The following ASAP1 variants were observed in gnomAD, a reference collection of about 807,000 sequenced individuals.
ASAP1 encodes arf-GAP with SH3 domain, ANK repeat and PH domain-containing protein 1.
A neutral mutation model predicts 145.2 loss-of-function variants in ASAP1; 43 were observed. The observed-to-expected ratio is 0.30, with a 90% CI of 0.23 to 0.38. The LOEUF (loss-of-function observed/expected upper bound fraction) is 0.38. Among genes scored for constraint, ASAP1 ranks in the 10% least tolerant of loss-of-function variants. ASAP1 has a pLI of 1.00. For missense variants in ASAP1, 1,018 were observed against 1,355.3 expected (o/e 0.75, Z 3.91); for synonymous variants, 546 against 515.5 (o/e 1.06, Z -0.80).
intron 24 of ASAP1, among the ~76,000 whole-genome samples, chr8:130,093,632 A>G (rs1177592433): frequency 7.7e-6 from 1 of 129,474 alleles, no homozygotes; most frequent in Non-Finnish European, 1.6e-5. Flanking sequence ...ATGCCACTGC[A>G]TTCCTGCCTG....
chr8:130,110,079 G>A (rs2097544218), intron 24 of ASAP1, among the ~76,000 whole-genome samples: 1 of 152,136 alleles, frequency 6.6e-6, no homozygotes. Flanking sequence ...TTTGTCTTCT[G>A]GGTCTTTGGT....
intron 1 of ASAP1, among the ~76,000 whole-genome samples, chr8:130,411,278 C>T (rs1829253854): frequency 6.6e-6 from 1 of 152,238 alleles, no homozygotes; most frequent in African/African-American, 2.4e-5. Flanking sequence ...GCAACACCTG[C>T]CACTCTGCCC....
At chr8:130,210,394 A>G (rs1816504781) in intron 5 of ASAP1, among the ~76,000 whole-genome samples, 1 of 152,336 alleles carries the variant, frequency 6.6e-6, no homozygotes, top group East Asian at 1.9e-4. Flanking sequence ...AATTTCTAAG[A>G]CAGTAAATAT....
At position 130,072,824 on chromosome 8, in the gene ASAP1, T is replaced by TGTGTGTGTGTGTGTGTGTGTGTGCGCGC; in HGVS notation, c.2701+3523_2701+3524insGCGCGCACACACACACACACACACACAC. ...GTGTGTGTGTGTGTGTGTGTGTGTG[T>TGTGTGTGTGTGTGTGTGTGTGTGCGCGC]GCGCGCGGGGGGGGGCAGTTTTGGG... is the stretch of plus-strand genomic sequence containing the variant. On this transcript the variant is annotated intron_variant, in intron 27 of 29. Coordinates refer to ENST00000518721, the MANE Select transcript of ASAP1 (RefSeq NM_018482.4). 2.2e-3 allele frequency among the ~76,000 whole-genome samples: 72 copies of TGTGTGTGTGTGTGTGTGTGTGTGCGCGC among 32,290 alleles called. 2 individuals are homozygous for TGTGTGTGTGTGTGTGTGTGTGTGCGCGC. Among genetic ancestry groups the TGTGTGTGTGTGTGTGTGTGTGTGCGCGC allele is most frequent in the Non-Finnish European group, 1.1e-3 (20 of 17,410 alleles). 21.2% of individuals were successfully genotyped at this position (32,290 alleles called of 152,430 possible). A position where few individuals can be genotyped will look rare whatever the true frequency, so the allele number is the denominator to read the frequency against.
chr8:130,211,627 C>T (rs907697717), intron 5 of ASAP1, among the ~76,000 whole-genome samples: 11 of 152,284 alleles, frequency 7.2e-5, no homozygotes, highest in East Asian at 1.9e-4. Context: ...AGACCTGGCC[C>T]GCAAATCTAT....
At chr8:130,347,422 C>T (rs1230897767) in intron 3 of ASAP1, among the ~76,000 whole-genome samples, 2 of 152,202 alleles carry the variant, frequency 1.3e-5, no homozygotes, top group African/African-American at 4.8e-5. Context: ...CAGGCATCTG[C>T]CTCCCTTATA....
intron 3 of ASAP1, among the ~76,000 whole-genome samples, chr8:130,344,207 A>G (rs1444243046): frequency 6.6e-6 from 1 of 152,246 alleles, no homozygotes; most frequent in African/African-American, 2.4e-5. Flanking sequence ...TCCACAGATT[A>G]AAAGAAATTT....
At chr8:130,236,527 C>T (rs577624452) in intron 4 of ASAP1, among the ~76,000 whole-genome samples, 6 of 152,152 alleles carry the variant, frequency 3.9e-5, no homozygotes, top group South Asian at 2.1e-4. Context: ...CCACAACCAT[C>T]GCCAATATTG....
At chr8:130,383,878 A>G (rs1827893342) in intron 2 of ASAP1, among the ~76,000 whole-genome samples, 1 of 152,122 alleles carries the variant, frequency 6.6e-6, no homozygotes, top group Non-Finnish European at 1.5e-5. Context: ...TCTCCCACAG[A>G]GGTGAAAGGA....
chr8:130,211,539 C>A (rs1272087337), intron 5 of ASAP1, among the ~76,000 whole-genome samples: 1 of 152,186 alleles, frequency 6.6e-6, no homozygotes, highest in African/African-American at 2.4e-5. Context: ...AATACACCTG[C>A]AATAGTGATT....
intron 3 of ASAP1, among the ~76,000 whole-genome samples, chr8:130,245,119 G>A: frequency 6.6e-6 from 1 of 152,208 alleles, no homozygotes; most frequent in East Asian, 1.9e-4. Context: ...AGGTAAAGAT[G>A]TTATCATGTT....
chr8:130,314,944 G>C (rs1379959981), intron 3 of ASAP1, among the ~76,000 whole-genome samples: 1 of 152,144 alleles, frequency 6.6e-6, no homozygotes, highest in Non-Finnish European at 1.5e-5. Context: ...TCCAACCCCA[G>C]GTCTTCCACA....
chr8:130,085,249 T>C (rs2097490069), intron 25 of ASAP1, among the ~76,000 whole-genome samples: 1 of 152,208 alleles, frequency 6.6e-6, no homozygotes, highest in Non-Finnish European at 1.5e-5. Context: ...TGCTCTTGCC[T>C]GTAAGAATCT....
chr8:130,250,469 T>C lies in ASAP1; in HGVS notation c.187-13475A>G, dbSNP rs546918514. ...CGCATGCTAAGCTTACTATAGTTGC[T>C]TCATGTTCCTAGTTTCTGAGAACAG... On this transcript the variant is annotated intron_variant, in intron 3 of 29. Coordinates refer to ENST00000518721, the MANE Select transcript of ASAP1 (RefSeq NM_018482.4). 9.2e-5 allele frequency among the ~76,000 whole-genome samples: 14 copies of C among 152,298 alleles called. No individual in the cohort carries two copies. The East Asian group carries it at 2.7e-3, about 29-fold the overall frequency.
Position 130,153,273 on chromosome 8 carries a change from C to T in ASAP1, c.1011-468G>A, listed in dbSNP as rs571842956. Among the ~76,000 whole-genome samples the T allele has an allele frequency of 1.3e-4, 19 of 149,044 alleles. 1 individual carries two copies. In the South Asian group the frequency reaches 4.0e-3, roughly 32 times the overall value. On this transcript the variant is annotated intron_variant, in intron 12 of 29. Coordinates refer to ENST00000518721, the MANE Select transcript of ASAP1 (RefSeq NM_018482.4). ...GACCTCATGATCCACCAGCCTTGGC[C>T]TCCCAAAGTGCTGAGATTACAGGTG...
At chr8:130,137,308 GA>G (rs200526599) in intron 13 of ASAP1, among the ~76,000 whole-genome samples, 54 of 151,282 alleles carry the variant, frequency 3.6e-4, no homozygotes, top group Admixed American at 1.3e-3. Context: ...ATTAAAGATG[GA>G]AAAAAAAATT....
In ASAP1 at chr8:130,381,793, C is replaced by T. The variant is rs1173884621; in HGVS notation, c.59+20092G>A. On this transcript the variant is annotated intron_variant, in intron 2 of 29. Transcript: ENST00000518721. Reference sequence around the variant, plus strand: ...GCTTTTTGTCATTTCTGGAACACACCCCCCTGAGGGCCTTTGCACGTGCTG... The same window carrying T: ...GCTTTTTGTCATTTCTGGAACACACTCCCCTGAGGGCCTTTGCACGTGCTG... Among the ~76,000 whole-genome samples, 4 of 152,130 alleles carry T rather than the reference C, an allele frequency of 2.6e-5. No individual in the cohort carries two copies. The East Asian group carries it at 7.7e-4, about 29-fold the overall frequency.
At chr8:130,140,784 C>A (rs899481428) in intron 13 of ASAP1, among the ~76,000 whole-genome samples, 8 of 152,166 alleles carry the variant, frequency 5.3e-5, no homozygotes, top group African/African-American at 9.7e-5. Flanking sequence ...GACAAATGGC[C>A]ATCATCCCAA....
At chr8:130,420,208 ACACC>A (rs1187092785) in intron 1 of ASAP1, among the ~76,000 whole-genome samples, 8 of 150,476 alleles carry the variant, frequency 5.3e-5, no homozygotes, top group African/African-American at 2.0e-4. Context: ...ATAAAACCTC[ACACC>A]CACTAGGCTG....
Sources: gnomAD v4.1 joint callset for allele counts (sites outside exome capture counted in the v4.1 genomes callset) on GRCh38, gnomAD v4.1.1 for gene constraint, MANE v1.5 for transcripts, NCBI Gene and HGNC (gene_info 2026-07-23, HGNC 2026-07-21) for gene names.